The following SH3KBP1 variants were observed in gnomAD, a reference collection of about 807,000 sequenced individuals.
SH3KBP1 encodes SH3 domain containing kinase binding protein 1, also known as SH3 domain-containing kinase-binding protein 1.
SH3KBP1 carries 8 observed loss-of-function variants against 50.1 expected under a neutral mutation model. That is an observed-to-expected ratio of 0.16 (90% CI 0.09 to 0.29). SH3KBP1 has a LOEUF of 0.29. SH3KBP1 is among the 10% of genes least tolerant of loss of function. The pLI is 1.00. For missense variants in SH3KBP1, 377 were observed against 535.2 expected, an observed-to-expected ratio of 0.70 and a Z score of 2.92; for synonymous variants, 227 against 218.6, an observed-to-expected ratio of 1.04 and a Z score of -0.34.
chrX:19,691,325 G>GCGCT (rs1488381089), intron 5 of SH3KBP1, among the ~76,000 whole-genome samples: 1 of 84,378 alleles, frequency 1.2e-5, no homozygotes, highest in South Asian at 5.7e-4. Context: ...AATCTCTGTC[G>GCGCT]CTCTCTCTCT....
intron 6 of SH3KBP1, among the ~76,000 whole-genome samples, chrX:19,648,964 T>A (rs1410531482): frequency 8.9e-6 from 1 of 111,858 alleles, no homozygotes; most frequent in African/African-American, 3.2e-5. Flanking sequence ...GCATGCCTCA[T>A]GAACGCAATG....
intron 1 of SH3KBP1, among the ~76,000 whole-genome samples, chrX:19,848,519 T>C (rs2068420370): frequency 8.9e-6 from 1 of 112,697 alleles, no homozygotes; most frequent in Non-Finnish European, 1.9e-5. Context: ...AAAACATCAT[T>C]GGCCACCTTT....
At chrX:19,761,057 G>A (rs974972106) in intron 2 of SH3KBP1, among the ~76,000 whole-genome samples, 6 of 103,368 alleles carry the variant, frequency 5.8e-5, no homozygotes, top group African/African-American at 2.1e-4. Flanking sequence ...AGGAGGCGGC[G>A]GAGGTGTGAT....
chrX:19,574,324 G>A (rs1250103368), intron 12 of SH3KBP1, among the ~76,000 whole-genome samples: 1 of 112,297 alleles, frequency 8.9e-6, no homozygotes. Context: ...CTAGTACAAT[G>A]CTTTATACAT....
Position 19,760,041 on chromosome X carries a change from C to CCTCTCCCTCCCTCT in SH3KBP1, c.163-13601_163-13600insAGAGGGAGGGAGAG, listed in dbSNP as rs1556346157. 6.5e-4 allele frequency among the ~76,000 whole-genome samples: 33 copies of CCTCTCCCTCCCTCT among 50,455 alleles called. 2 individuals are homozygous for CCTCTCCCTCCCTCT. Among genetic ancestry groups the CCTCTCCCTCCCTCT allele is most frequent in the African/African-American group, 3.0e-3 (32 of 10,754 alleles). 43.8% of individuals were successfully genotyped at this position (50,455 alleles called of 115,157 possible). On this transcript the variant is annotated intron_variant, in intron 2 of 17. Transcript: ENST00000397821. ...TCTCTCTCCTCTCTCTCTCTCTCTC[C>CCTCTCCCTCCCTCT]CTCTCTCTCTCTCTCTCTCTCTCTC...
chrX:19,830,431 A>C (rs2067837328), intron 2 of SH3KBP1, among the ~76,000 whole-genome samples: 1 of 111,297 alleles, frequency 9.0e-6, no homozygotes, highest in Non-Finnish European at 1.9e-5. Context: ...ACTTTTGTAA[A>C]GGGGAGGGAT....
At chrX:19,561,051 G>T (rs1327621477) in intron 13 of SH3KBP1, among the ~76,000 whole-genome samples, 1 of 97,488 alleles carries the variant, frequency 1.0e-5, no homozygotes, top group African/African-American at 3.9e-5. Context: ...TCCAGCCTGG[G>T]CAACAGAGCA....
chrX:19,640,888 C>G lies in SH3KBP1; in HGVS notation c.802+4512G>C, dbSNP rs1000495835. Among the ~76,000 whole-genome samples, 3 of 111,316 alleles carry G rather than the reference C, an allele frequency of 2.7e-5. No homozygotes were observed. The Admixed American group carries it at 2.9e-4, about 11-fold the overall frequency. ...CCTCTGATTGGTTGCTTTCCACAACCAATCAGACTGACTGTGGGCCACCAT... is the reference window on the plus strand; with the variant it reads ...CCTCTGATTGGTTGCTTTCCACAACGAATCAGACTGACTGTGGGCCACCAT... On this transcript the variant is annotated intron_variant, in intron 7 of 17. Coordinates refer to ENST00000397821, the MANE Select transcript of SH3KBP1 (RefSeq NM_031892.3).
intron 6 of SH3KBP1, among the ~76,000 whole-genome samples, chrX:19,675,681 C>G (rs974659299): frequency 8.9e-6 from 1 of 111,849 alleles, no homozygotes; most frequent in African/African-American, 3.3e-5. Context: ...CGTGAGCCAC[C>G]ACACCCGGCC....
intron 15 of SH3KBP1, among the ~76,000 whole-genome samples, chrX:19,543,018 C>T (rs912284249): frequency 3.6e-5 from 4 of 111,991 alleles, no homozygotes; most frequent in Admixed American, 9.4e-5. Context: ...AAGCTAGAAG[C>T]GGTCAGGGTT....
intron 13 of SH3KBP1, among the ~76,000 whole-genome samples, chrX:19,562,602 T>C (rs7876642): frequency 0.036 from 4,060 of 111,503 alleles, 177 homozygotes; most frequent in African/African-American, 0.12. Context: ...GGTCTCAGCA[T>C]GTAGCAAACA....
At chrX:19,845,163 A>G (rs764992715) in intron 1 of SH3KBP1, among the ~76,000 whole-genome samples, 2 of 108,694 alleles carry the variant, frequency 1.8e-5, no homozygotes, top group African/African-American at 6.7e-5. Flanking sequence ...AAGAATGGAG[A>G]AAGTGGGCAG....
intron 7 of SH3KBP1, among the ~76,000 whole-genome samples, chrX:19,632,194 G>A (rs933220496): frequency 9.0e-6 from 1 of 111,347 alleles, no homozygotes; most frequent in African/African-American, 3.3e-5. Context: ...GACATCATGA[G>A]ATGCCCCTGA....
chrX:19,544,270 G>GT (rs1245331849), intron 15 of SH3KBP1, among the ~76,000 whole-genome samples: 1 of 111,310 alleles, frequency 9.0e-6, no homozygotes, highest in Non-Finnish European at 1.9e-5. Context: ...AGGAGTCAGA[G>GT]TAAGAGGGAA....
chrX:19,739,827 A>G (rs890204630), intron 3 of SH3KBP1, among the ~76,000 whole-genome samples: 2 of 110,431 alleles, frequency 1.8e-5, no homozygotes, highest in African/African-American at 6.6e-5. Context: ...GTGGGCAGAA[A>G]GAGGAGTTTC....
intron 2 of SH3KBP1, among the ~76,000 whole-genome samples, chrX:19,825,628 C>G (rs1280631780): frequency 8.9e-6 from 1 of 111,772 alleles, no homozygotes; most frequent in Non-Finnish European, 1.9e-5. Flanking sequence ...AGTCCCGGCA[C>G]TTTGGGAGGC....
intron 9 of SH3KBP1, among the ~76,000 whole-genome samples, chrX:19,607,490 T>C (rs937652684): frequency 1.8e-5 from 2 of 112,169 alleles, no homozygotes; most frequent in African/African-American, 6.5e-5. Flanking sequence ...CTCACACATG[T>C]AAGCATATAG....
intron 12 of SH3KBP1, among the ~76,000 whole-genome samples, chrX:19,573,479 GT>G (rs2066106668): frequency 9.1e-6 from 1 of 110,022 alleles, no homozygotes; most frequent in Admixed American, 9.7e-5. Flanking sequence ...TAGAGACAGG[GT>G]TTCACCATGT....
intron 1 of SH3KBP1, among the ~76,000 whole-genome samples, chrX:19,865,214 T>C (rs2147521118): frequency 8.9e-6 from 1 of 112,481 alleles, no homozygotes; most frequent in South Asian, 3.7e-4. Context: ...TGATGACAAT[T>C]TCCATTTCAG....
Sources: allele counts gnomAD v4.1 joint callset (sites outside exome capture counted in the v4.1 genomes callset), GRCh38; gene constraint gnomAD v4.1.1; transcripts MANE v1.5; gene names NCBI Gene and HGNC (gene_info 2026-07-23, HGNC 2026-07-21).